RBFOX3: variants seen among roughly 807,000 people sequenced by gnomAD.
The protein encoded by RBFOX3 is RNA binding fox-1 homolog 3.
In RBFOX3, 17 loss-of-function variants were observed where a neutral mutation model predicts 48.7. The ratio of observed to expected loss-of-function variants is 0.35; its 90% CI spans 0.24 to 0.52. The LOEUF is 0.52. RBFOX3 is among the 20% of genes least tolerant of loss of function. RBFOX3 has a pLI of 0.94. For synonymous variants in RBFOX3, 212 were observed against 209.5 expected, an observed-to-expected ratio of 1.01 and a Z score of -0.10; for missense variants, 382 against 497.5, an observed-to-expected ratio of 0.77 and a Z score of 2.21.
intron 1 of RBFOX3, among the ~76,000 whole-genome samples, chr17:79,511,561 G>A (rs2084203832): frequency 6.6e-6 from 1 of 152,144 alleles, no homozygotes; most frequent in African/African-American, 2.4e-5. Context: ...CTTAATAGAG[G>A]AGGTAACCCT....
chr17:79,656,876 G>GGAAGGAAGGAAGGAAA, the RBFOX3 span, among the ~76,000 whole-genome samples: 1 of 128,218 alleles, frequency 7.8e-6, no homozygotes, highest in South Asian at 2.9e-4. Context: ...AGGGAGGGAA[G>GGAAGGAAGGAAGGAAA]GAAGGAAGGA....
At chr17:79,154,148 G>A (rs945437736) in intron 4 of RBFOX3, among the ~76,000 whole-genome samples, 2 of 119,784 alleles carry the variant, frequency 1.7e-5, no homozygotes, top group Non-Finnish European at 3.3e-5. Context: ...CGCCCCACCT[G>A]GCTGGCTCCA....
intron 4 of RBFOX3, among the ~76,000 whole-genome samples, chr17:79,216,862 C>T (rs1375103319): frequency 6.6e-6 from 1 of 152,156 alleles, no homozygotes; most frequent in East Asian, 1.9e-4. Context: ...CCAGAGCAGG[C>T]CTGAGGAACA....
chr17:79,614,480 C>CG (rs1292989133), upstream of RBFOX3, among the ~76,000 whole-genome samples: 1 of 151,604 alleles, frequency 6.6e-6, no homozygotes, highest in Non-Finnish European at 1.5e-5. Flanking sequence ...GCTTTGCAGC[C>CG]CCCCTAAGGT....
chr17:79,304,686 G>C (rs924913337), intron 3 of RBFOX3, among the ~76,000 whole-genome samples: 4 of 152,120 alleles, frequency 2.6e-5, no homozygotes, highest in African/African-American at 7.2e-5. Flanking sequence ...GAAAATTATT[G>C]ATTTTGCTGA....
In RBFOX3 at chr17:79,212,085, G is replaced by A. The variant is rs1372956876; in HGVS notation, c.-34+23681C>T. ...TCCCTCCTGGAGTCCCGCTGCATTG[G>A]GGAAATTGACCAGCGCCCAAAGACG... On this transcript the variant is annotated intron_variant, in intron 4 of 14. Transcript: ENST00000693108. The surrounding 1 kb of genome is among the most constrained non-coding windows in gnomAD (Gnocchi z 4.7). 6.6e-6 allele frequency among the ~76,000 whole-genome samples: 1 copy of A among 152,228 alleles called. No individual in the cohort carries two copies. Among genetic ancestry groups the A allele is most frequent in the Non-Finnish European group, 1.5e-5 (1 of 68,042 alleles).
chr17:79,239,036 T>C (rs754070832), intron 3 of RBFOX3, among the ~76,000 whole-genome samples: 1 of 152,160 alleles, frequency 6.6e-6, no homozygotes, highest in South Asian at 2.1e-4. Context: ...GAGGCTCTTG[T>C]GCATGGAAAG....
chr17:79,460,450 C>G (rs991217261), intron 2 of RBFOX3, among the ~76,000 whole-genome samples: 1 of 152,174 alleles, frequency 6.6e-6, no homozygotes, highest in Non-Finnish European at 1.5e-5. Flanking sequence ...AGCTCTCCCT[C>G]CCTGCAGGCA....
At chr17:79,415,159 A>T (rs2065122353) in intron 2 of RBFOX3, among the ~76,000 whole-genome samples, 1 of 152,170 alleles carries the variant, frequency 6.6e-6, no homozygotes, top group Non-Finnish European at 1.5e-5. Context: ...GCCCGGTGCC[A>T]CCTACGAGGA....
intron 3 of RBFOX3, among the ~76,000 whole-genome samples, chr17:79,280,876 T>C (rs1211041325): frequency 6.7e-6 from 1 of 150,062 alleles, no homozygotes; most frequent in East Asian, 2.0e-4. Flanking sequence ...TGCAGGCATG[T>C]GGGGCACAGC....
chr17:79,204,381 C>T lies in RBFOX3; in HGVS notation c.-34+31385G>A, dbSNP rs1361438851. ...GGTTGGGGCAGAATGTAAGTCTGAA[C>T]AGAGGAGAGATTACTGACGTGAAAG... On this transcript the variant is annotated intron_variant, in intron 4 of 14. Coordinates refer to ENST00000693108, the MANE Select transcript of RBFOX3 (RefSeq NM_001350451.2). This position sits in a 1 kb window ranked among gnomAD's most constrained non-coding sequence, Gnocchi z 4.5. 6.6e-6 allele frequency among the ~76,000 whole-genome samples: 1 copy of T among 152,168 alleles called. No homozygotes were observed. The highest frequency in any genetic ancestry group is 1.9e-4 in the East Asian group (1 of 5,188).
At chr17:79,633,802 G>A in the RBFOX3 span, among the ~76,000 whole-genome samples, 1 of 152,178 alleles carries the variant, frequency 6.6e-6, no homozygotes, top group Non-Finnish European at 1.5e-5. Flanking sequence ...ACCCCAGTGA[G>A]TGGGAGTTTC....
At chr17:79,543,501 G>A (rs782588588) in intron 1 of RBFOX3, among the ~76,000 whole-genome samples, 9 of 152,122 alleles carry the variant, frequency 5.9e-5, no homozygotes, top group African/African-American at 1.2e-4. Context: ...TACGTCTCTC[G>A]TGGGGCAGGC....
intron 4 of RBFOX3, among the ~76,000 whole-genome samples, chr17:79,222,408 T>A (rs1482263252): frequency 1.3e-5 from 2 of 152,196 alleles, no homozygotes. Context: ...TGTCCTCATG[T>A]CTAAGCTGGG....
At chr17:79,206,947 C>T (rs1285772809) in intron 4 of RBFOX3, among the ~76,000 whole-genome samples, 1 of 152,226 alleles carries the variant, frequency 6.6e-6, no homozygotes, top group Non-Finnish European at 1.5e-5. Context: ...AGCCCCCTTT[C>T]CTTTGGCTCA....
In RBFOX3 at chr17:79,316,207, C is replaced by T. The variant is rs530087706; in HGVS notation, c.-174-8383G>A. ...AGGGTGGAGGGGCTGGGGCTGAGGA[C>T]GAGGCCATGCAGTGGCTTTGTGACT... is the stretch of plus-strand genomic sequence containing the variant. On this transcript the variant is annotated intron_variant, in intron 2 of 14. Coordinates refer to ENST00000693108, the MANE Select transcript of RBFOX3 (RefSeq NM_001350451.2). Among the ~76,000 whole-genome samples, 40 of 152,230 alleles carry T rather than the reference C, an allele frequency of 2.6e-4. No individual in the cohort carries two copies. The South Asian group carries it at 7.5e-3, about 28-fold the overall frequency.
rs773728801 is a variant in RBFOX3 at position 79,392,621 on chromosome 17, A to G, written c.-174-84797T>C. Among the ~76,000 whole-genome samples, 1 of 152,166 alleles carries G rather than the reference A, an allele frequency of 6.6e-6. No homozygotes were observed. The highest frequency in any genetic ancestry group is 1.5e-5 in the Non-Finnish European group (1 of 68,028). Reference sequence around the variant, plus strand: ...AGCAGAGGGGTGTCACTTCCAGCCGAAGTTTGCAGAACCAACAGTGTGTGC... The same window carrying G: ...AGCAGAGGGGTGTCACTTCCAGCCGGAGTTTGCAGAACCAACAGTGTGTGC... On this transcript the variant is annotated intron_variant, in intron 2 of 14. Transcript: ENST00000693108. This position sits in a 1 kb window ranked among gnomAD's most constrained non-coding sequence, Gnocchi z 5.0.
rs182603286 is a variant in RBFOX3, at chr17:79,139,694, T to C, written c.-33-23946A>G. ...GGGACAATTCTTTCCTACCAGGATC[T>C]GCCCACCACCAACCGCGAAAAAGGA... On this transcript the variant is annotated intron_variant, in intron 4 of 14. Transcript: ENST00000693108. 9.3e-4 allele frequency among the ~76,000 whole-genome samples: 141 copies of C among 152,292 alleles called. 3 individuals are homozygous for C. The highest frequency in any genetic ancestry group is 5.2e-3 in the Admixed American group (80 of 15,304).
chr17:79,530,203 ACC>A (rs2087505871), intron 1 of RBFOX3, among the ~76,000 whole-genome samples: 2 of 152,168 alleles, frequency 1.3e-5, no homozygotes, highest in Non-Finnish European at 2.9e-5. Context: ...CCAGCTGTGC[ACC>A]ACGGAGAGAG....
Sources: gnomAD v4.1 joint callset for allele counts (sites outside exome capture counted in the v4.1 genomes callset) on GRCh38, gnomAD v4.1.1 for gene constraint, Gnocchi (gnomAD v3.1) non-coding constraint, MANE v1.5 for transcripts, NCBI Gene and HGNC (gene_info 2026-07-23, HGNC 2026-07-21) for gene names.